PAGR1: variants seen among roughly 807,000 people sequenced by gnomAD.
PAGR1 encodes the protein PAXIP1 associated glutamate rich protein 1.
In PAGR1, 20 loss-of-function variants were observed where a neutral mutation model predicts 22.4. That is an observed-to-expected ratio of 0.89 (90% confidence interval 0.63 to 1.30). The LOEUF (loss-of-function observed/expected upper bound fraction) is 1.30. PAGR1 is among the 50% of genes most tolerant of loss of function. The pLI, the probability that PAGR1 is intolerant of heterozygous loss-of-function variation, is 0.00. For missense variants in PAGR1, 338 were observed against 343.6 expected (o/e 0.98, Z 0.13); for synonymous variants, 161 against 148.3 (o/e 1.09, Z -0.62).
chr16:29,817,050 G>A, intron 1 of PAGR1, 43 bp downstream of exon 1: 12 of 1,553,842 alleles, frequency 7.7e-6, no homozygotes, highest in Non-Finnish European at 9.6e-6. Context: ...CTGCTCCCCT[G>A]ATGGCGGGAG....
rs1298854602 is a variant in PAGR1, at chr16:29,821,363, G to C, written c.*1609G>C. The C allele has an allele frequency of 6.6e-6, 1 of 152,254 alleles. No homozygotes were observed. The highest frequency in any genetic ancestry group is 6.5e-5 in the Admixed American group (1 of 15,286). 9.4% of individuals were successfully genotyped at this position (152,254 alleles called of 1,614,324 possible). ...CCCTCGGGTGTGGCTGTTTGGGCAG[G>C]ACAGCCCTCTGTATGTAGCCTTGAG... is the stretch of plus-strand genomic sequence containing the variant. On this transcript the variant is annotated 3_prime_UTR_variant, in exon 3 of 3. Transcript: ENST00000320330.
rs759438590 is a variant in PAGR1 at position 29,817,307 on chromosome 16, G to A, written c.565+15G>A. ...ACGCACCCCAGGTACAAACGAAGAG[G>A]AAACAGTTGGGGGAGGTGAAGGGCC... On this transcript the variant is annotated intron_variant, in intron 2 of 2. Transcript: ENST00000320330. The A allele has an allele frequency of 6.2e-7, 1 of 1,613,354 alleles. No homozygotes were observed. Among genetic ancestry groups the A allele is most frequent in the Non-Finnish European group, 8.5e-7 (1 of 1,179,494 alleles).
At position 29,816,323 on chromosome 16, in the gene PAGR1, G is replaced by T; in HGVS notation, c.-203G>T. 2.2e-6 allele frequency: 1 copy of T among 450,344 alleles called. No homozygotes were observed. Among genetic ancestry groups the T allele is most frequent in the South Asian group, 9.1e-5 (1 of 10,990 alleles). 27.9% of individuals were successfully genotyped at this position (450,344 alleles called of 1,614,324 possible). The stretch of plus-strand genomic sequence containing the variant: ...TTCTGCGGGGCCCGGGAGCCTCGGA[G>T]TACCGAACCTCGATCTCCGGGGCGG... On this transcript the variant is annotated 5_prime_UTR_variant, in exon 1 of 3. Coordinates refer to ENST00000320330, the MANE Select transcript of PAGR1 (RefSeq NM_024516.4).
intron 2 of PAGR1, 99 bp downstream of exon 2, chr16:29,817,391 C>T (rs1044188206): frequency 6.4e-6 from 7 of 1,090,978 alleles, no homozygotes; most frequent in Non-Finnish European, 6.9e-6. Context: ...CCTCAGCTCC[C>T]ACACAACTTA....
In PAGR1 at chr16:29,816,577, C is replaced by A; in HGVS notation, c.52C>A (p.Leu18Met). The A allele has an allele frequency of 6.6e-7, 1 of 1,512,890 alleles. No individual in the cohort carries two copies. The highest frequency in any genetic ancestry group is 8.8e-7 in the Non-Finnish European group (1 of 1,133,294). 93.7% of individuals were successfully genotyped at this position (1,512,890 alleles called of 1,614,324 possible). The change falls in exon 1 of 3, where the codon CTG becomes ATG. Residue 18 changes from leucine to methionine, a missense_variant. By Grantham distance (15) the Leu-to-Met change is conservative (BLOSUM62 2). Coordinates refer to ENST00000320330, the MANE Select transcript of PAGR1 (RefSeq NM_024516.4). Reference protein sequence around the residue: ...GDTAASTAAPLSEEGEVTSGL... With the variant: ...GDTAASTAAPMSEEGEVTSGL... ...CACTGCGGCCAGTACGGCGGCGCCT[C>A]TGTCTGAAGAAGGGGAAGTGACCTC...
rs1442871176 is a variant in PAGR1, at chr16:29,821,332, G to A, written c.*1578G>A. The A allele has an allele frequency of 6.6e-6, 1 of 152,324 alleles. No individual in the cohort carries two copies. Among genetic ancestry groups the A allele is most frequent in the Non-Finnish European group, 1.5e-5 (1 of 68,146 alleles). The allele number at this position is 152,324 out of a possible 1,614,324, so 9.4% of individuals were successfully genotyped here. ...AACTCCCTTGGCACACAGAGCACTG[G>A]GTCGGCCCTCGGGTGTGGCTGTTTG... On this transcript the variant is annotated 3_prime_UTR_variant, in exon 3 of 3. Coordinates refer to ENST00000320330, the MANE Select transcript of PAGR1 (RefSeq NM_024516.4).
chr16:29,819,748 AT>A lies in PAGR1; in HGVS notation c.760del (p.Tyr254ThrfsTer9), dbSNP rs1464527596. On this transcript the variant is annotated frameshift_variant, in exon 3 of 3. Transcript: ENST00000320330. LOFTEE classifies it high-confidence loss of function. Reference protein sequence around the residue: ...GSSLFPRQRKY With the variant: ...GSSLFPRQRKX ...GTAGTCTCTTCCCTCGGCAGCGGAA[AT>A]ACTGATTCCCACTGCTCCTGCCTCT... 2 of 1,609,324 alleles carry A rather than the reference AT, an allele frequency of 1.2e-6. No individual in the cohort carries two copies. Among genetic ancestry groups the A allele is most frequent in the South Asian group, 2.2e-5 (2 of 90,998 alleles).
chr16:29,816,727 C>A lies in PAGR1; in HGVS notation c.202C>A (p.Gln68Lys). 6.2e-7 allele frequency: 1 copy of A among 1,607,080 alleles called. No homozygotes were observed. ...TGAGGGGTCCGGGGGCGAGGAGGCG[C>A]AGGGAGAAGTCCCCAGCGCTGGGGG... is the stretch of plus-strand genomic sequence containing the variant. ...EREGSGGEEA[Q>K]GEVPSAGGEE... The change falls in exon 1 of 3, where the codon CAG becomes AAG. Residue 68 changes from glutamine to lysine, a missense_variant. Physicochemically the swap from Gln to Lys is moderately conservative, Grantham distance 53. Around this residue, in one of 3 missense-constraint regions of PAGR1, gnomAD observed 235 missense variants for 216.0 expected, o/e 1.09. Coordinates refer to ENST00000320330, the MANE Select transcript of PAGR1 (RefSeq NM_024516.4).
intron 2 of PAGR1, chr16:29,818,525 C>T (rs7200638): frequency 0.99 from 151,310 of 152,352 alleles, 75,151 homozygotes; most frequent in Middle Eastern, 1. Flanking sequence ...CTGCTTCCAG[C>T]TTCTGCAATT....
At position 29,821,372 on chromosome 16, in the gene PAGR1, CTGTA is replaced by C. The variant is rs1405356244; in HGVS notation, c.*1623_*1626del. On this transcript the variant is annotated 3_prime_UTR_variant, in exon 3 of 3. Transcript: ENST00000320330. ...GTGGCTGTTTGGGCAGGACAGCCCT[CTGTA>C]TGTAGCCTTGAGCAGGTAGGGGGGC... is the stretch of plus-strand genomic sequence containing the variant. 1 of 152,210 alleles carries C rather than the reference CTGTA, an allele frequency of 6.6e-6. No individual in the cohort carries two copies. Among genetic ancestry groups the C allele is most frequent in the Non-Finnish European group, 1.5e-5 (1 of 68,062 alleles). The allele number at this position is 152,210 out of a possible 1,614,324, so 9.4% of individuals were successfully genotyped here.
chr16:29,818,110 G>C (rs1180275176), intron 2 of PAGR1: 1 of 152,172 alleles, frequency 6.6e-6, no homozygotes, highest in Non-Finnish European at 1.5e-5. Context: ...CTACTACCAT[G>C]TACATTCTTT....
Position 29,819,357 on chromosome 16 carries a change from A to T in PAGR1, c.566-198A>T, listed in dbSNP as rs574319924. 9.6e-6 allele frequency: 6 copies of T among 622,098 alleles called. No homozygotes were observed. The South Asian group carries it at 1.2e-4, about 12-fold the overall frequency. The allele number at this position is 622,098 out of a possible 1,614,324, so 38.5% of individuals were successfully genotyped here. On this transcript the variant is annotated intron_variant, in intron 2 of 2. Coordinates refer to ENST00000320330, the MANE Select transcript of PAGR1 (RefSeq NM_024516.4). ...CAGTATGTTCCTCCCTGTTCTTCACATTACCTGTGCCTTCCTGTCAATCAA... is the reference window on the plus strand; with the variant it reads ...CAGTATGTTCCTCCCTGTTCTTCACTTTACCTGTGCCTTCCTGTCAATCAA...
intron 2 of PAGR1, chr16:29,818,054 G>A (rs1900285625): frequency 6.6e-6 from 1 of 152,206 alleles, no homozygotes; most frequent in Non-Finnish European, 1.5e-5. Context: ...CCCATTCCCA[G>A]AAGTCCAAGT....
intron 2 of PAGR1, among the ~76,000 whole-genome samples, chr16:29,819,115 C>T (rs1214224360): frequency 1.3e-5 from 2 of 151,992 alleles, no homozygotes; most frequent in African/African-American, 4.8e-5. Flanking sequence ...TCTGCCTCAG[C>T]CTCCCAAGTA....
At position 29,816,680 on chromosome 16, in the gene PAGR1, G is replaced by A; in HGVS notation, c.155G>A (p.Gly52Glu). ...SAGKAEDEGEGGREETEREGS... is the reference protein window; with the variant it reads ...SAGKAEDEGEEGREETEREGS... ...GGTAAGGCCGAGGACGAGGGGGAAG[G>A]AGGCCGAGAGGAGACCGAGCGTGAG... Residue 52 changes from glycine to glutamate, a missense_variant, in exon 1 of 3, where the codon GGA becomes GAA. Physicochemically the swap from Gly to Glu is moderately conservative, Grantham distance 98. Transcript: ENST00000320330. 6.3e-7 allele frequency: 1 copy of A among 1,596,884 alleles called. No homozygotes were observed. The highest frequency in any genetic ancestry group is 1.3e-5 in the African/African-American group (1 of 74,564).
At position 29,821,362 on chromosome 16, in the gene PAGR1, G is replaced by A. The variant is rs978255905; in HGVS notation, c.*1608G>A. On this transcript the variant is annotated 3_prime_UTR_variant, in exon 3 of 3. Coordinates refer to ENST00000320330, the MANE Select transcript of PAGR1 (RefSeq NM_024516.4). ...GCCCTCGGGTGTGGCTGTTTGGGCA[G>A]GACAGCCCTCTGTATGTAGCCTTGA... 6.6e-6 allele frequency: 1 copy of A among 152,260 alleles called. No individual in the cohort carries two copies. The highest frequency in any genetic ancestry group is 2.4e-5 in the African/African-American group (1 of 41,450). The allele number at this position is 152,260 out of a possible 1,614,324, so 9.4% of individuals were successfully genotyped here. A position where few individuals can be genotyped will look rare whatever the true frequency, so the allele number is the denominator to read the frequency against.
rs755031511 is a variant in PAGR1, at chr16:29,816,664, G to A, written c.139G>A (p.Glu47Lys). The change falls in exon 1 of 3, where the codon GAG (glutamate) becomes AAG (lysine). Residue 47 changes from glutamate to lysine, a missense_variant. Physicochemically the swap from Glu to Lys is moderately conservative, Grantham distance 56. This residue lies in a region of PAGR1 where 235 missense variants were observed against 216.0 expected (regional missense o/e 1.09). Coordinates refer to ENST00000320330, the MANE Select transcript of PAGR1 (RefSeq NM_024516.4). The part of the protein sequence containing the change: ...GGPSASAGKA[E>K]DEGEGGREET... ...CCCCTCTGCCTCGGCCGGTAAGGCCGAGGACGAGGGGGAAGGAGGCCGAGA... is the reference window on the plus strand; with the variant it reads ...CCCCTCTGCCTCGGCCGGTAAGGCCAAGGACGAGGGGGAAGGAGGCCGAGA... 1 of 1,584,608 alleles carries A rather than the reference G, an allele frequency of 6.3e-7. No homozygotes were observed. The highest frequency in any genetic ancestry group is 8.6e-7 in the Non-Finnish European group (1 of 1,163,700).
rs1900346762 is a variant in PAGR1, at chr16:29,820,460, G to A, written c.*706G>A. 1 of 151,274 alleles carries A rather than the reference G, an allele frequency of 6.6e-6. No homozygotes were observed. The highest frequency in any genetic ancestry group is 1.5e-5 in the Non-Finnish European group (1 of 67,852). The allele number at this position is 151,274 out of a possible 1,614,324, so 9.4% of individuals were successfully genotyped here. On this transcript the variant is annotated 3_prime_UTR_variant, in exon 3 of 3. Transcript: ENST00000320330. ...GCCGGGAAGTGATCCCCAAGGCAGG[G>A]TGAGAGTTCCCCATCTGAGGCGTTT...
In PAGR1 at chr16:29,816,731, G is replaced by C. The variant is rs201354663; in HGVS notation, c.206G>C (p.Gly69Ala). 6.9e-5 allele frequency: 111 copies of C among 1,605,848 alleles called. No individual in the cohort carries two copies. In the African/African-American group the frequency reaches 1.4e-3, roughly 20 times the overall value. The change falls in exon 1 of 3, where the codon GGA (glycine) becomes GCA (alanine). Residue 69 changes from glycine (G) to alanine (A), a missense_variant. Physicochemically the swap from Gly to Ala is moderately conservative, Grantham distance 60 (BLOSUM62 0). This residue lies in a region of PAGR1 where 235 missense variants were observed against 216.0 expected (regional missense o/e 1.09). Transcript: ENST00000320330. ...GGGTCCGGGGGCGAGGAGGCGCAGG[G>C]AGAAGTCCCCAGCGCTGGGGGAGAA... ...REGSGGEEAQGEVPSAGGEEP... is the reference protein window; with the variant it reads ...REGSGGEEAQAEVPSAGGEEP...
Sources: allele counts gnomAD v4.1 joint callset (sites outside exome capture counted in the v4.1 genomes callset), GRCh38; gene constraint gnomAD v4.1.1; regional missense constraint gnomAD v4.1.1; transcripts MANE v1.5; gene names NCBI Gene and HGNC (gene_info 2026-07-23, HGNC 2026-07-21).